The following FREM1 variants were observed in gnomAD, a reference collection of about 807,000 sequenced individuals.
FREM1 encodes the protein FRAS1 related extracellular matrix 1.
FREM1 carries 220 observed loss-of-function variants against 210.1 expected under a neutral mutation model. That is an observed-to-expected ratio of 1.05 (90% CI 0.94 to 1.17). The LOEUF (loss-of-function observed/expected upper bound fraction) is 1.17. Ranked by LOEUF, FREM1 falls within the 50% of genes most tolerant of loss-of-function variation. The pLI is 0.00. For missense variants in FREM1, 3,454 were observed against 2,675.5 expected, an observed-to-expected ratio of 1.29 and a Z score of -6.42; for synonymous variants, 1,189 against 980.2, an observed-to-expected ratio of 1.21 and a Z score of -3.98.
At chr9:14,762,213 TGGATTAGG>T (rs1489089548) in intron 27 of FREM1, among the ~76,000 whole-genome samples, 1 of 151,206 alleles carries the variant, frequency 6.6e-6, no homozygotes, top group Non-Finnish European at 1.5e-5. Context: ...GTCAGCAAGA[TGGATTAGG>T]GGAAAAGAGA....
intron 16 of FREM1, 111 bp downstream of exon 16, chr9:14,812,701 G>GT (rs1819618066): frequency 8.7e-7 from 1 of 1,143,096 alleles, no homozygotes; most frequent in Admixed American, 2.4e-5. Context: ...GCTGCTTCTT[G>GT]TTTTTAATGG....
chr9:14,846,049 T>A lies in FREM1; in HGVS notation c.1304A>T (p.Glu435Val). The A allele has an allele frequency of 6.2e-7, 1 of 1,603,742 alleles. No individual in the cohort carries two copies. Among genetic ancestry groups the A allele is most frequent in the Non-Finnish European group, 8.5e-7 (1 of 1,174,542 alleles). The change falls in exon 8 of 37, where the codon GAA becomes GTA. Residue 435 changes from glutamate to valine, a missense_variant. Glu to Val is a moderately radical substitution (Grantham distance 121, BLOSUM62 -2). Transcript: ENST00000380880. The stretch of plus-strand genomic sequence containing the variant: ...GTCATTGTCGACAACCTGAAACTGT[T>A]CCCAAGTGATGGCTCGAGACTGCCC... ...LEGQSRAITWEQFQVVDNDDI... is the reference protein window; with the variant it reads ...LEGQSRAITWVQFQVVDNDDI...
intron 24 of FREM1, among the ~76,000 whole-genome samples, chr9:14,782,578 A>G (rs377065844): frequency 3.3e-5 from 5 of 152,296 alleles, no homozygotes; most frequent in African/African-American, 9.6e-5. Flanking sequence ...GCCAAGAAGC[A>G]CCCAGCCTTC....
intron 24 of FREM1, among the ~76,000 whole-genome samples, chr9:14,782,951 C>A (rs1431864893): frequency 6.6e-6 from 1 of 152,180 alleles, no homozygotes; most frequent in Non-Finnish European, 1.5e-5. Flanking sequence ...AAGCCTGTAT[C>A]TTAACTTCAC....
chr9:14,813,761 T>C (rs1819813426), intron 15 of FREM1, among the ~76,000 whole-genome samples: 1 of 152,170 alleles, frequency 6.6e-6, no homozygotes, highest in African/African-American at 2.4e-5. Flanking sequence ...GCATATCTTC[T>C]AAAAGGGAGT....
intron 2 of FREM1, among the ~76,000 whole-genome samples, chr9:14,865,986 T>C (rs1181886205): frequency 6.6e-6 from 1 of 152,158 alleles, no homozygotes; most frequent in Non-Finnish European, 1.5e-5. Context: ...TACCACAGAA[T>C]AAATATTAGA....
rs903312 is a variant in FREM1, at chr9:14,851,784, T to C, written c.829-177A>G. ...TAAACACATGCTGGTACCTAGGATC[T>C]GTCTCCAGAGGTTCTTGTTTAATTG... is the stretch of plus-strand genomic sequence containing the variant. On this transcript the variant is annotated intron_variant, in intron 5 of 36. Coordinates refer to ENST00000380880, the MANE Select transcript of FREM1 (RefSeq NM_001379081.2). 0.98 allele frequency among the ~76,000 whole-genome samples: 149,679 copies of C among 152,252 alleles called. 73,616 individuals are homozygous for C. The highest frequency in any genetic ancestry group is 1 in the East Asian group (5,166 of 5,166).
chr9:14,775,210 A>G (rs777893473), intron 25 of FREM1, among the ~76,000 whole-genome samples: 55 of 152,176 alleles, frequency 3.6e-4, no homozygotes, highest in Non-Finnish European at 6.0e-4. Flanking sequence ...TCAGACGGCT[A>G]ATACATTGCA....
intron 23 of FREM1, among the ~76,000 whole-genome samples, chr9:14,788,570 C>T (rs1165846377): frequency 1.3e-5 from 2 of 152,146 alleles, no homozygotes; most frequent in African/African-American, 4.8e-5. Flanking sequence ...TGATAGATCA[C>T]TTCCTGAAGA....
chr9:14,801,998 G>A (rs1817379428), intron 19 of FREM1, 124 bp from the exon 20 acceptor site: 3 of 647,336 alleles, frequency 4.6e-6, no homozygotes, highest in Non-Finnish European at 7.8e-6. Context: ...ATTTATATAG[G>A]ATGAGTCCTA....
intron 1 of FREM1, among the ~76,000 whole-genome samples, chr9:14,872,509 T>C (rs1002342826): frequency 2.8e-4 from 43 of 152,282 alleles, no homozygotes; most frequent in East Asian, 7.7e-4. Flanking sequence ...GATTTTTGTA[T>C]ATTGATTTTG....
intron 19 of FREM1, among the ~76,000 whole-genome samples, chr9:14,802,501 T>C (rs1817477569): frequency 6.6e-6 from 1 of 152,130 alleles, no homozygotes; most frequent in African/African-American, 2.4e-5. Context: ...CTTCCAAATT[T>C]CCTGAACTAC....
chr9:14,850,984 C>T (rs1301550128), intron 6 of FREM1, among the ~76,000 whole-genome samples: 1 of 152,178 alleles, frequency 6.6e-6, no homozygotes, highest in African/African-American at 2.4e-5. Context: ...CACATGAGTG[C>T]TACAGCAACA....
At chr9:14,831,020 G>A (rs1308598041) in intron 10 of FREM1, among the ~76,000 whole-genome samples, 3 of 152,200 alleles carry the variant, frequency 2.0e-5, no homozygotes, top group African/African-American at 7.2e-5. Flanking sequence ...TATAAGGCTT[G>A]CTGGGGAGAA....
chr9:14,887,238 G>C (rs1835977777), intron 1 of FREM1, among the ~76,000 whole-genome samples: 1 of 152,124 alleles, frequency 6.6e-6, no homozygotes, highest in Non-Finnish European at 1.5e-5. Context: ...CAAGACTTCA[G>C]AGCCATGGCA....
At chr9:14,861,139 ATATATACACATATATACG>A (rs764173096) in intron 3 of FREM1, among the ~76,000 whole-genome samples, 8,488 of 123,206 alleles carry the variant, frequency 0.069, 1,787 homozygotes, top group East Asian at 0.091. Context: ...ACATATATAC[ATATATACACATATATACG>A]TATATACACA....
At chr9:14,838,784 G>T (rs1468435931) in intron 10 of FREM1, among the ~76,000 whole-genome samples, 1 of 152,252 alleles carries the variant, frequency 6.6e-6, no homozygotes, top group South Asian at 2.1e-4. Flanking sequence ...GATCAGAGCT[G>T]ATCCAATAAA....
At chr9:14,876,398 C>G (rs1176285055) in intron 1 of FREM1, among the ~76,000 whole-genome samples, 5 of 152,126 alleles carry the variant, frequency 3.3e-5, no homozygotes, top group Admixed American at 2.6e-4. Flanking sequence ...GCCCCTCCCC[C>G]AGCCTCGCTG....
intron 28 of FREM1, among the ~76,000 whole-genome samples, 187 bp from the exon 29 acceptor site, chr9:14,756,633 T>G (rs1462990655): frequency 6.6e-6 from 1 of 152,214 alleles, no homozygotes; most frequent in Non-Finnish European, 1.5e-5. Flanking sequence ...TAAAGTTGAC[T>G]TTTTCCTAGG....
Sources: gnomAD v4.1 joint callset for allele counts (sites outside exome capture counted in the v4.1 genomes callset) on GRCh38, gnomAD v4.1.1 for gene constraint, MANE v1.5 for transcripts, NCBI Gene and HGNC (gene_info 2026-07-23, HGNC 2026-07-21) for gene names.